MEIS1: variants seen among roughly 807,000 people sequenced by gnomAD.
MEIS1 encodes Meis homeobox 1.
MEIS1 carries 5 observed loss-of-function variants against 50.8 expected under a neutral mutation model. The ratio of observed to expected loss-of-function variants is 0.10; its 90% CI spans 0.05 to 0.21. MEIS1 has a LOEUF of 0.21. MEIS1 is among the 10% of genes least tolerant of loss of function. The pLI is 1.00. For missense variants in MEIS1, 318 were observed against 517.3 expected, an observed-to-expected ratio of 0.61 and a Z score of 3.74; for synonymous variants, 176 against 179.3, an observed-to-expected ratio of 0.98 and a Z score of 0.15.
Position 66,439,241 on chromosome 2 carries a change from G to C in MEIS1, c.240-602G>C. ...GGGGCGGTGGGGGCTATCAGCGAAG[G>C]GAGGGGAATGTGCGTGGAGCTGAGG... On this transcript the variant is annotated intron_variant, in intron 2 of 12. Transcript: ENST00000272369. 6 of 1,031,470 alleles carry C rather than the reference G, an allele frequency of 5.8e-6. No individual in the cohort carries two copies. The South Asian group carries it at 2.8e-4, about 47-fold the overall frequency. 63.9% of individuals were successfully genotyped at this position (1,031,470 alleles called of 1,614,324 possible).
intron 7 of MEIS1, among the ~76,000 whole-genome samples, chr2:66,479,625 T>C (rs1672971579): frequency 6.6e-6 from 1 of 152,222 alleles, no homozygotes; most frequent in Non-Finnish European, 1.5e-5. Context: ...AAATGCTCTT[T>C]TTGATTTTAA....
chr2:66,535,576 G>C (rs1485523794), intron 8 of MEIS1, among the ~76,000 whole-genome samples: 1 of 152,160 alleles, frequency 6.6e-6, no homozygotes, highest in Non-Finnish European at 1.5e-5. Context: ...AGCCCAGTTA[G>C]ATTTAATGAG....
chr2:66,517,153 A>G (rs1673990222), intron 8 of MEIS1, among the ~76,000 whole-genome samples: 2 of 152,178 alleles, frequency 1.3e-5, no homozygotes, highest in East Asian at 3.9e-4. Flanking sequence ...CTATCCTGAA[A>G]GATCTAGGGG....
intron 7 of MEIS1, among the ~76,000 whole-genome samples, chr2:66,510,195 C>T (rs1340355889): frequency 6.6e-6 from 1 of 152,180 alleles, no homozygotes; most frequent in Non-Finnish European, 1.5e-5. Context: ...TGGTAAACTG[C>T]TTCTCTGAAT....
chr2:66,484,089 G>A (rs1673081455), intron 7 of MEIS1, among the ~76,000 whole-genome samples: 2 of 152,160 alleles, frequency 1.3e-5, no homozygotes, highest in African/African-American at 4.8e-5. Flanking sequence ...CTAGGTTTGT[G>A]ACAATTGCAG....
intron 7 of MEIS1, among the ~76,000 whole-genome samples, chr2:66,493,318 C>T (rs190267726): frequency 4.5e-4 from 69 of 152,228 alleles, no homozygotes; most frequent in African/African-American, 1.6e-3. Flanking sequence ...TGGATAAGGA[C>T]GCATATTATG....
chr2:66,566,009 G>A (rs1675338083), intron 9 of MEIS1, among the ~76,000 whole-genome samples: 1 of 152,080 alleles, frequency 6.6e-6, no homozygotes, highest in Non-Finnish European at 1.5e-5. Flanking sequence ...CTGCTCACAT[G>A]ATTCCAGTTT....
At chr2:66,445,559 A>G (rs1672112213) in intron 6 of MEIS1, among the ~76,000 whole-genome samples, 1 of 152,212 alleles carries the variant, frequency 6.6e-6, no homozygotes, top group Non-Finnish European at 1.5e-5. Flanking sequence ...GAGCCTCCGC[A>G]GAGGGTGCGC....
At chr2:66,437,495 T>C (rs964814252) in intron 1 of MEIS1, 5 of 529,104 alleles carry the variant, frequency 9.4e-6, no homozygotes, top group Non-Finnish European at 1.7e-5. Context: ...CTAAACTAGT[T>C]GATAGGGACA....
chr2:66,533,811 A>T (rs1234411014), intron 8 of MEIS1, among the ~76,000 whole-genome samples: 1 of 152,130 alleles, frequency 6.6e-6, no homozygotes, highest in African/African-American at 2.4e-5. Context: ...CAGGCAGCAC[A>T]CCCATGAAGC....
At chr2:66,531,130 A>G (rs1674380457) in intron 8 of MEIS1, among the ~76,000 whole-genome samples, 1 of 152,220 alleles carries the variant, frequency 6.6e-6, no homozygotes, top group Non-Finnish European at 1.5e-5. Flanking sequence ...TGGAAGCCTT[A>G]TTTTTAGCAA....
rs752993508 is a variant in MEIS1 at position 66,437,780 on chromosome 2, T to G, written c.56T>G (p.Ile19Ser). Reference sequence around the variant, plus strand: ...TACGGGGGCATGGATGGAGTAGGCATCCCCTCCACGATGTATGGGGACCCG... The same window carrying G: ...TACGGGGGCATGGATGGAGTAGGCAGCCCCTCCACGATGTATGGGGACCCG... Reference protein sequence around the residue: ...PHYGGMDGVGIPSTMYGDPHA... With the variant: ...PHYGGMDGVGSPSTMYGDPHA... The change falls in exon 2 of 13, where the codon ATC becomes AGC. Residue 19 changes from isoleucine (I) to serine (S), a missense_variant. Transcript: ENST00000272369. The G allele has an allele frequency of 1.2e-5, 20 of 1,613,622 alleles. No individual in the cohort carries two copies. The highest frequency in any genetic ancestry group is 1.4e-5 in the Non-Finnish European group (16 of 1,179,862).
intron 6 of MEIS1, among the ~76,000 whole-genome samples, chr2:66,445,737 T>C (rs1319365272): frequency 6.6e-6 from 1 of 152,202 alleles, no homozygotes; most frequent in Non-Finnish European, 1.5e-5. Context: ...ACGACTTTGA[T>C]ACTAGGCGGT....
chr2:66,539,759 C>T (rs1005662045), intron 8 of MEIS1, among the ~76,000 whole-genome samples: 3 of 152,094 alleles, frequency 2.0e-5, no homozygotes, highest in Admixed American at 2.0e-4. Context: ...AATAAAGTTC[C>T]TTTGGCTGGA....
At chr2:66,458,266 A>G (rs1174351449) in intron 6 of MEIS1, among the ~76,000 whole-genome samples, 1 of 152,216 alleles carries the variant, frequency 6.6e-6, no homozygotes, top group Non-Finnish European at 1.5e-5. Context: ...AGTGATTTAT[A>G]AATATTAGGC....
intron 2 of MEIS1, chr2:66,439,469 C>T: frequency 7.3e-7 from 1 of 1,377,150 alleles, no homozygotes; most frequent in Non-Finnish European, 9.4e-7. Context: ...CGGCGCCTTT[C>T]TCCTCCACCG....
chr2:66,473,397 A>AAAAAAAAAAAAAAATATATATATATAT lies in MEIS1; in HGVS notation c.742+9178_742+9179insAAAAAAAAAAAAATATATATATATATA. ...CCATGTCAAAAAAAAAAAAAAAAAA[A>AAAAAAAAAAAAAAATATATATATATAT]ATATATATATATATATATATAGTAA... On this transcript the variant is annotated intron_variant, in intron 7 of 12. Transcript: ENST00000272369. 3.7e-5 allele frequency among the ~76,000 whole-genome samples: 4 copies of AAAAAAAAAAAAAAATATATATATATAT among 107,586 alleles called. 1 individual carries two copies. The highest frequency in any genetic ancestry group is 2.7e-4 in the South Asian group (1 of 3,698). 70.6% of individuals were successfully genotyped at this position (107,586 alleles called of 152,430 possible).
intron 9 of MEIS1, among the ~76,000 whole-genome samples, chr2:66,566,761 T>G (rs542691580): frequency 6.6e-6 from 1 of 150,820 alleles, no homozygotes; most frequent in Admixed American, 6.6e-5. Flanking sequence ...ATAAGTTCAA[T>G]TACTGTATAT....
intron 7 of MEIS1, among the ~76,000 whole-genome samples, chr2:66,491,810 C>CTCCCTT (rs1238743392): frequency 6.6e-6 from 1 of 151,986 alleles, no homozygotes; most frequent in African/African-American, 2.4e-5. Flanking sequence ...CTTAATTCCA[C>CTCCCTT]AATGGAGACA....
Sources: allele counts gnomAD v4.1 joint callset (sites outside exome capture counted in the v4.1 genomes callset), GRCh38; gene constraint gnomAD v4.1.1; transcripts MANE v1.5; gene names NCBI Gene and HGNC (gene_info 2026-07-23, HGNC 2026-07-21).